The following DENND4C variants were observed in gnomAD, a reference collection of about 807,000 sequenced individuals.
DENND4C encodes DENN domain-containing protein 4C.
In DENND4C, 108 loss-of-function variants were observed where a neutral mutation model predicts 203.0. The observed-to-expected ratio is 0.53, with a 90% CI of 0.46 to 0.62. The LOEUF is 0.62. Ranked by LOEUF, DENND4C falls within the 20% of genes least tolerant of loss-of-function variation. The probability of loss-of-function intolerance (pLI) is 0.00; values close to 1 mark genes in which losing one functional copy is unlikely to be tolerated. For synonymous variants in DENND4C, 871 were observed against 792.4 expected, an observed-to-expected ratio of 1.10 and a Z score of -1.67; for missense variants, 2,481 against 2,301.2, an observed-to-expected ratio of 1.08 and a Z score of -1.60.
chr9:19,279,310 TC>T (rs1000897124), intron 2 of DENND4C, among the ~76,000 whole-genome samples: 1 of 150,630 alleles, frequency 6.6e-6, no homozygotes, highest in African/African-American at 2.4e-5. Flanking sequence ...GCCTCCCTAA[TC>T]CCAACGCTTT....
At chr9:19,260,804 C>G (rs1364869303) in intron 1 of DENND4C, among the ~76,000 whole-genome samples, 3 of 152,164 alleles carry the variant, frequency 2.0e-5, no homozygotes, top group Non-Finnish European at 2.9e-5. Context: ...TGTGCAGAAG[C>G]ATTTTAACTT....
intron 1 of DENND4C, among the ~76,000 whole-genome samples, chr9:19,238,043 G>C (rs1048929384): frequency 2.0e-5 from 3 of 151,782 alleles, no homozygotes; most frequent in African/African-American, 4.8e-5. Context: ...GTAGGCTCTA[G>C]GGAAGACCCC....
At chr9:19,324,573 G>C (rs1843413354) in intron 13 of DENND4C, 66 bp downstream of exon 13, 1 of 1,489,972 alleles carries the variant, frequency 6.7e-7, no homozygotes, top group African/African-American at 1.4e-5. Flanking sequence ...AATTATCATT[G>C]TTATTGTTAG....
intron 1 of DENND4C, among the ~76,000 whole-genome samples, chr9:19,270,251 A>G (rs1341798573): frequency 6.6e-6 from 1 of 152,134 alleles, no homozygotes; most frequent in Non-Finnish European, 1.5e-5. Context: ...CAGTACAGTA[A>G]TATTGCCTGG....
At chr9:19,235,973 T>G (rs191863173) in intron 1 of DENND4C, among the ~76,000 whole-genome samples, 5,353 of 151,332 alleles carry the variant, frequency 0.035, 327 homozygotes, top group African/African-American at 0.12. Flanking sequence ...TCGAATTGAG[T>G]TTTTTCTTTG....
At chr9:19,272,878 C>G (rs1209538427) in intron 1 of DENND4C, among the ~76,000 whole-genome samples, 1 of 151,732 alleles carries the variant, frequency 6.6e-6, no homozygotes, top group African/African-American at 2.4e-5. Flanking sequence ...AGTGATTCTC[C>G]TGTCTCAGCC....
chr9:19,341,285 A>G (rs777517225), intron 21 of DENND4C, among the ~76,000 whole-genome samples, 171 bp downstream of exon 21: 1 of 151,092 alleles, frequency 6.6e-6, no homozygotes, highest in South Asian at 2.1e-4. Flanking sequence ...CTGAAGTTTT[A>G]AAATTTAAGA....
intron 1 of DENND4C, among the ~76,000 whole-genome samples, chr9:19,247,785 C>T (rs1261197561): frequency 6.6e-6 from 1 of 152,152 alleles, no homozygotes; most frequent in Non-Finnish European, 1.5e-5. Context: ...TTCCTCAAAC[C>T]TACCCTTTTC....
intron 1 of DENND4C, among the ~76,000 whole-genome samples, chr9:19,269,486 C>G (rs1831189298): frequency 6.6e-6 from 1 of 152,156 alleles, no homozygotes; most frequent in Non-Finnish European, 1.5e-5. Flanking sequence ...AATAGTGTGT[C>G]TTCAAGCTCA....
At chr9:19,320,196 A>G (rs1041283063) in intron 12 of DENND4C, among the ~76,000 whole-genome samples, 8 of 152,072 alleles carry the variant, frequency 5.3e-5, no homozygotes, top group African/African-American at 1.7e-4. Flanking sequence ...CTTTTTTCAC[A>G]AACATCTTTT....
At chr9:19,335,225 T>C in intron 18 of DENND4C, 120 bp downstream of exon 18, 1 of 542,732 alleles carries the variant, frequency 1.8e-6, no homozygotes, top group Non-Finnish European at 2.7e-6. Context: ...TTTTAATAAT[T>C]TTTATAATTA....
chr9:19,337,664 C>A, intron 20 of DENND4C: 1 of 1,288,508 alleles, frequency 7.8e-7, no homozygotes, highest in South Asian at 1.2e-5. Context: ...TGAATGTTAA[C>A]CACATCAGGT....
intron 12 of DENND4C, among the ~76,000 whole-genome samples, chr9:19,320,435 G>A (rs1789341009): frequency 6.6e-6 from 1 of 152,192 alleles, no homozygotes; most frequent in African/African-American, 2.4e-5. Context: ...CTGACCTCAG[G>A]TGATCTGCCT....
intron 1 of DENND4C, among the ~76,000 whole-genome samples, chr9:19,271,444 G>T (rs574587642): frequency 6.6e-6 from 1 of 152,128 alleles, no homozygotes; most frequent in East Asian, 1.9e-4. Context: ...CAAGTGATCC[G>T]CCTACCTCTG....
intron 27 of DENND4C, 122 bp from the exon 28 acceptor site, chr9:19,357,843 G>C: frequency 3.9e-6 from 3 of 766,856 alleles, no homozygotes; most frequent in Non-Finnish European, 5.9e-6. Context: ...TTACAAGGTG[G>C]TGCTGATTCT....
intron 12 of DENND4C, 113 bp downstream of exon 12, chr9:19,316,952 A>G: frequency 2.1e-6 from 2 of 971,202 alleles, no homozygotes; most frequent in Admixed American, 6.1e-5. Flanking sequence ...ACATTCAAAT[A>G]TAATGAACCT....
chr9:19,294,359 A>G (rs1201043001), intron 5 of DENND4C, among the ~76,000 whole-genome samples: 1 of 152,146 alleles, frequency 6.6e-6, no homozygotes, highest in Non-Finnish European at 1.5e-5. Context: ...AAAGAGTTTG[A>G]AGACAGAGGA....
intron 30 of DENND4C, among the ~76,000 whole-genome samples, chr9:19,368,785 G>A (rs915693966): frequency 4.6e-5 from 7 of 151,452 alleles, no homozygotes; most frequent in African/African-American, 1.7e-4. Context: ...GGGTGACGGA[G>A]TGAAAAACTG....
At chr9:19,286,707 T>A in intron 2 of DENND4C, 62 bp from the exon 3 acceptor site, 1 of 1,188,688 alleles carries the variant, frequency 8.4e-7, no homozygotes, top group African/African-American at 1.6e-5. Flanking sequence ...ACTATATATA[T>A]GTACATATGT....
Sources: gnomAD v4.1 joint callset for allele counts (sites outside exome capture counted in the v4.1 genomes callset) on GRCh38, gnomAD v4.1.1 for gene constraint, MANE v1.5 for transcripts, NCBI Gene and HGNC (gene_info 2026-07-23, HGNC 2026-07-21) for gene names.